CES4A: variants seen among roughly 807,000 people sequenced by gnomAD.
The protein encoded by CES4A is carboxylesterase 6.
Under a neutral mutation model 65.4 loss-of-function variants are expected in CES4A, and 48 were observed. The observed-to-expected ratio is 0.73, with a 90% CI of 0.58 to 0.93. CES4A has a LOEUF of 0.93. CES4A is among the 40% of genes least tolerant of loss of function. The pLI, the probability that CES4A is intolerant of heterozygous loss-of-function variation, is 0.00. For missense variants in CES4A, 685 were observed against 728.5 expected (o/e 0.94, Z 0.69); for synonymous variants, 247 against 281.8 (o/e 0.88, Z 1.24).
intron 2 of CES4A, among the ~76,000 whole-genome samples, chr16:66,998,258 G>A (rs570231829): frequency 3.9e-5 from 6 of 152,174 alleles, no homozygotes; most frequent in South Asian, 2.1e-4. Context: ...TCAGGAGCAC[G>A]GGGTGTTACA....
intron 5 of CES4A, among the ~76,000 whole-genome samples, chr16:67,002,479 G>A (rs1965435388): frequency 6.6e-6 from 1 of 152,184 alleles, no homozygotes; most frequent in South Asian, 2.1e-4. Context: ...GAAAGATGGA[G>A]AGCAGAGGAT....
In CES4A at chr16:67,001,511, C is replaced by G. The variant is rs374400609; in HGVS notation, c.690+50C>G. ...GAGCACAGACTTAGGCTCCTGCGTT[C>G]CCACAAATGTATGCTCCACTGCACA... On this transcript the variant is annotated intron_variant, in intron 5 of 13. Transcript: ENST00000648724. This position sits in a 1 kb window ranked among gnomAD's most constrained non-coding sequence, Gnocchi z 4.1. The G allele has an allele frequency of 4.8e-5, 74 of 1,536,514 alleles. No individual in the cohort carries two copies. The highest frequency in any genetic ancestry group is 3.5e-4 in the Middle Eastern group (2 of 5,696).
At chr16:67,005,554 A>G (rs1965689765) in intron 11 of CES4A, 161 bp downstream of exon 11, 5 of 698,008 alleles carry the variant, frequency 7.2e-6, no homozygotes. Context: ...ATCAACTACA[A>G]GAGAGGAAGG....
At position 67,003,649 on chromosome 16, in the gene CES4A, C is replaced by T; in HGVS notation, c.939+96C>T. The T allele has an allele frequency of 1.0e-6, 1 of 974,570 alleles. No homozygotes were observed. The highest frequency in any genetic ancestry group is 2.1e-4 in the Middle Eastern group (1 of 4,850). 60.4% of individuals were successfully genotyped at this position (974,570 alleles called of 1,614,324 possible). A position where few individuals can be genotyped will look rare whatever the true frequency, so the allele number is the denominator to read the frequency against. ...TAGGGAATTGTTCAGGCCAAGATCC[C>T]TTCCCTAGTGGAGCTGATGTTCCAG... is the stretch of plus-strand genomic sequence containing the variant. On this transcript the variant is annotated intron_variant, in intron 8 of 13. Transcript: ENST00000648724. The surrounding 1 kb of genome is among the most constrained non-coding windows in gnomAD (Gnocchi z 4.2).
chr16:67,000,474 C>A lies in CES4A; in HGVS notation c.261-164C>A. 1.4e-6 allele frequency: 2 copies of A among 1,422,732 alleles called. No individual in the cohort carries two copies. Among genetic ancestry groups the A allele is most frequent in the Admixed American group, 2.9e-5 (1 of 34,214 alleles). The allele number at this position is 1,422,732 out of a possible 1,614,324, so 88.1% of individuals were successfully genotyped here. On this transcript the variant is annotated intron_variant, in intron 2 of 13. Coordinates refer to ENST00000648724, the Ensembl canonical transcript of CES4A. The surrounding 1 kb of genome is among the most constrained non-coding windows in gnomAD (Gnocchi z 4.2). ...CAACCTGCCTCCCAGTCCTGGGCCCCGGGGCTGGCGGAGGCCTCCTGTACA... is the reference window on the plus strand; with the variant it reads ...CAACCTGCCTCCCAGTCCTGGGCCCAGGGGCTGGCGGAGGCCTCCTGTACA...
intron 11 of CES4A, chr16:67,005,618 G>A: frequency 2.1e-6 from 1 of 483,118 alleles, no homozygotes; most frequent in Non-Finnish European, 3.6e-6. Context: ...AAGCCGAAGT[G>A]GGTGGATCAT....
intron 9 of CES4A, among the ~76,000 whole-genome samples, chr16:67,004,457 A>G (rs1965596636): frequency 6.6e-6 from 1 of 152,162 alleles, no homozygotes; most frequent in Non-Finnish European, 1.5e-5. Flanking sequence ...AGGACCACAA[A>G]TTCTCAGATC....
rs758267599 is a variant in CES4A at position 67,000,922 on chromosome 16, C to G, written c.468C>G (p.Asp156Glu). 2 of 1,613,200 alleles carry G rather than the reference C, an allele frequency of 1.2e-6. No individual in the cohort carries two copies. The highest frequency in any genetic ancestry group is 3.3e-5 in the Admixed American group (2 of 59,958). ...CTGCTTCTTCGTACGAGGGCTCTGACTTGGCCGCCCGCGAGAAAGTGGTGC... is the reference window on the plus strand; with the variant it reads ...CTGCTTCTTCGTACGAGGGCTCTGAGTTGGCCGCCCGCGAGAAAGTGGTGC... The change falls in exon 4 of 14, where the codon GAC (aspartate) becomes GAG (glutamate). Residue 156 changes from aspartate to glutamate, a missense_variant. Transcript: ENST00000648724. The surrounding 1 kb of genome is among the most constrained non-coding windows in gnomAD (Gnocchi z 4.2).
At position 67,000,108 on chromosome 16, in the gene CES4A, T is replaced by C. The variant is rs1316150774; in HGVS notation, c.261-530T>C. Among the ~76,000 whole-genome samples, 1 of 152,182 alleles carries C rather than the reference T, an allele frequency of 6.6e-6. No homozygotes were observed. Among genetic ancestry groups the C allele is most frequent in the African/African-American group, 2.4e-5 (1 of 41,434 alleles). ...ATTTTTGTTGATTTGTTTGTTTTTA[T>C]TGATATATCATAGTTGTACATATTA... On this transcript the variant is annotated intron_variant, in intron 2 of 13. Transcript: ENST00000648724. This position sits in a 1 kb window ranked among gnomAD's most constrained non-coding sequence, Gnocchi z 4.2.
At chr16:66,991,300 C>T (rs1048942119) in intron 1 of CES4A, among the ~76,000 whole-genome samples, 1 of 152,230 alleles carries the variant, frequency 6.6e-6, no homozygotes, top group African/African-American at 2.4e-5. Context: ...GCTGGGATTA[C>T]AGGCGTGAGC....
chr16:67,008,093 G>C (rs1229351344), intron 13 of CES4A: 2 of 151,976 alleles, frequency 1.3e-5, no homozygotes, highest in African/African-American at 4.8e-5. Flanking sequence ...CCTAATTTTT[G>C]TATTTTTTGT....
chr16:66,994,224 A>T (rs1597055178), intron 1 of CES4A, among the ~76,000 whole-genome samples: 2 of 148,558 alleles, frequency 1.3e-5, no homozygotes, highest in Non-Finnish European at 3.0e-5. Flanking sequence ...ATTTTTATTT[A>T]TTTATTTATT....
chr16:67,004,075 G>A lies in CES4A; in HGVS notation c.940-9G>A. Reference sequence around the variant, plus strand: ...AGGAGACTGGCTGGAAATGCCCTTTGCCTTGTAGATTATCTGGTCCATGAG... The same window carrying A: ...AGGAGACTGGCTGGAAATGCCCTTTACCTTGTAGATTATCTGGTCCATGAG... On this transcript the variant is annotated splice_polypyrimidine_tract_variant and intron_variant, in intron 8 of 13. Coordinates refer to ENST00000648724, the Ensembl canonical transcript of CES4A. 6.2e-7 allele frequency: 1 copy of A among 1,613,810 alleles called. No homozygotes were observed. Among genetic ancestry groups the A allele is most frequent in the Non-Finnish European group, 8.5e-7 (1 of 1,179,956 alleles).
In CES4A at chr16:66,994,665, C is replaced by T. The variant is rs569190532; in HGVS notation, c.59-963C>T. On this transcript the variant is annotated intron_variant, in intron 1 of 13. Transcript: ENST00000648724. ...GACCATCCTGGCTAGTACGGTGAAA[C>T]CCCATCTCTACTAAAAATACAAAAT... is the stretch of plus-strand genomic sequence containing the variant. Among the ~76,000 whole-genome samples, 942 of 150,824 alleles carry T rather than the reference C, an allele frequency of 6.2e-3. 5 individuals are homozygous for T. Among genetic ancestry groups the T allele is most frequent in the African/African-American group, 0.021 (874 of 41,180 alleles).
chr16:67,005,568 C>T (rs1270472426), intron 11 of CES4A, 175 bp downstream of exon 11: 2 of 628,344 alleles, frequency 3.2e-6, no homozygotes, highest in Non-Finnish European at 5.2e-6. Flanking sequence ...AGGAAGGGGC[C>T]AGGCACGGTG....
At chr16:66,996,653 G>A (rs2145602969) in intron 2 of CES4A, among the ~76,000 whole-genome samples, 1 of 152,312 alleles carries the variant, frequency 6.6e-6, no homozygotes, top group Middle Eastern at 3.4e-3. Context: ...CATTAACAAT[G>A]CTCAGCATCA....
At chr16:66,997,894 T>A (rs1285835384) in intron 2 of CES4A, among the ~76,000 whole-genome samples, 3 of 149,900 alleles carry the variant, frequency 2.0e-5, no homozygotes, top group Non-Finnish European at 4.4e-5. Context: ...GCTTGGGAGG[T>A]TATGATCGTG....
Position 66,989,358 on chromosome 16 carries a change from A to T in CES4A, c.58+528A>T, listed in dbSNP as rs532121693. The stretch of plus-strand genomic sequence containing the variant: ...AATTATATCTATTATACTAATTATT[A>T]TATATATATATATGGTAACCATTAT... On this transcript the variant is annotated intron_variant, in intron 1 of 13. Coordinates refer to ENST00000648724, the Ensembl canonical transcript of CES4A. 1.5e-3 allele frequency among the ~76,000 whole-genome samples: 231 copies of T among 150,104 alleles called. 2 individuals carry two copies. The highest frequency in any genetic ancestry group is 0.015 in the Admixed American group (227 of 15,016).
At position 67,000,481 on chromosome 16, in the gene CES4A, G is replaced by A; in HGVS notation, c.261-157G>A. On this transcript the variant is annotated intron_variant, in intron 2 of 13. Coordinates refer to ENST00000648724, the Ensembl canonical transcript of CES4A. The surrounding 1 kb of genome is among the most constrained non-coding windows in gnomAD (Gnocchi z 4.2). Reference sequence around the variant, plus strand: ...CCTCCCAGTCCTGGGCCCCGGGGCTGGCGGAGGCCTCCTGTACACGCACAC... The same window carrying A: ...CCTCCCAGTCCTGGGCCCCGGGGCTAGCGGAGGCCTCCTGTACACGCACAC... 1 of 1,424,584 alleles carries A rather than the reference G, an allele frequency of 7.0e-7. No homozygotes were observed. Among genetic ancestry groups the A allele is most frequent in the South Asian group, 1.5e-5 (1 of 66,182 alleles). The allele number at this position is 1,424,584 out of a possible 1,614,324, so 88.2% of individuals were successfully genotyped here. A position where few individuals can be genotyped will look rare whatever the true frequency, so the allele number is the denominator to read the frequency against.
Sources: gnomAD v4.1 joint callset for allele counts (sites outside exome capture counted in the v4.1 genomes callset) on GRCh38, gnomAD v4.1.1 for gene constraint, Gnocchi (gnomAD v3.1) non-coding constraint, MANE v1.5 for transcripts, NCBI Gene and HGNC (gene_info 2026-07-23, HGNC 2026-07-21) for gene names.